Variants in ZNF845 observed in about 807,000 individuals in gnomAD.
The protein encoded by ZNF845 is zinc finger protein 845.
A neutral mutation model predicts 76.1 loss-of-function variants in ZNF845; 59 were observed. That is an observed-to-expected ratio of 0.78 (90% CI 0.63 to 0.96). ZNF845 has a LOEUF of 0.96. Ranked by LOEUF, ZNF845 falls within the 40% of genes least tolerant of loss-of-function variation. ZNF845 has a pLI of 0.00. For synonymous variants in ZNF845, 361 were observed against 386.9 expected, an observed-to-expected ratio of 0.93 and a Z score of 0.78; for missense variants, 1,045 against 1,172.8, an observed-to-expected ratio of 0.89 and a Z score of 1.59.
At chr19:53,346,959 C>T (rs2085301113) in intron 3 of ZNF845, among the ~76,000 whole-genome samples, 1 of 152,128 alleles carries the variant, frequency 6.6e-6, no homozygotes, top group South Asian at 2.1e-4. Flanking sequence ...TCTCAGGTCA[C>T]TGCAACCTCC....
At chr19:53,338,843 G>A (rs2085235944) in intron 1 of ZNF845, among the ~76,000 whole-genome samples, 1 of 151,726 alleles carries the variant, frequency 6.6e-6, no homozygotes, top group South Asian at 2.1e-4. Flanking sequence ...AGCTTTGGGA[G>A]GCTAAGGCAG....
chr19:53,353,688 A>T lies in ZNF845; in HGVS notation c.*100A>T. On this transcript the variant is annotated 3_prime_UTR_variant, in exon 4 of 4. Transcript: ENST00000458035. ...AAGCTTACAAATGTAAGAGTTTGTGACAAGAATCTTGGGCGTGATTCACAC... is the reference window on the plus strand; with the variant it reads ...AAGCTTACAAATGTAAGAGTTTGTGTCAAGAATCTTGGGCGTGATTCACAC... 1 of 1,524,478 alleles carries T rather than the reference A, an allele frequency of 6.6e-7. No homozygotes were observed. Among genetic ancestry groups the T allele is most frequent in the Non-Finnish European group, 8.8e-7 (1 of 1,140,316 alleles). 94.4% of individuals were successfully genotyped at this position (1,524,478 alleles called of 1,614,324 possible).
intron 1 of ZNF845, among the ~76,000 whole-genome samples, chr19:53,338,138 G>A (rs1319629144): frequency 6.6e-6 from 1 of 152,110 alleles, no homozygotes; most frequent in Non-Finnish European, 1.5e-5. Flanking sequence ...GCGTCTTCAG[G>A]GAAGACTCAG....
At position 53,355,376 on chromosome 19, in the gene ZNF845, C is replaced by A. The variant is rs1258022417; in HGVS notation, c.*1788C>A. The A allele has an allele frequency of 1.3e-5, 2 of 151,986 alleles. No individual in the cohort carries two copies. Among genetic ancestry groups the A allele is most frequent in the Non-Finnish European group, 2.9e-5 (2 of 68,022 alleles). 9.4% of individuals were successfully genotyped at this position (151,986 alleles called of 1,614,324 possible). A position where few individuals can be genotyped will look rare whatever the true frequency, so the allele number is the denominator to read the frequency against. ...AATTCTGTCTCAGCCTCCTGAGTAG[C>A]TGGGACTACAGGCGCATGTCACCAC... On this transcript the variant is annotated 3_prime_UTR_variant, in exon 4 of 4. Transcript: ENST00000458035.
intron 2 of ZNF845, 29 bp downstream of exon 2, chr19:53,341,351 T>G: frequency 6.2e-7 from 1 of 1,613,710 alleles, no homozygotes; most frequent in Non-Finnish European, 8.5e-7. Context: ...TGGATTGTTC[T>G]GTCTCCTTCC....
Position 53,351,504 on chromosome 19 carries a change from G to A in ZNF845, c.829G>A (p.Gly277Ser). The stretch of plus-strand genomic sequence containing the variant: ...GAAACCTTACAAGTGTAATGATTGT[G>A]GCAAGACCTTCAGTCAGGAGTTAAC... ...GKKPYKCNDC[G>S]KTFSQELTLT... Residue 277 changes from glycine to serine, a missense_variant, in exon 4 of 4, where the codon GGC (glycine) becomes AGC (serine). Transcript: ENST00000458035. The A allele has an allele frequency of 6.2e-7, 1 of 1,614,150 alleles. No individual in the cohort carries two copies. Among genetic ancestry groups the A allele is most frequent in the Non-Finnish European group, 8.5e-7 (1 of 1,180,018 alleles).
intron 1 of ZNF845, among the ~76,000 whole-genome samples, chr19:53,335,286 G>C (rs1271117327): frequency 1.3e-5 from 2 of 152,026 alleles, no homozygotes; most frequent in African/African-American, 4.8e-5. Flanking sequence ...TTTGAGACAG[G>C]GTCTGGCTCT....
In ZNF845 at chr19:53,348,926, G is replaced by A. The variant is rs529536375; in HGVS notation, c.143-1892G>A. Among the ~76,000 whole-genome samples the A allele has an allele frequency of 1.7e-3, 226 of 136,190 alleles. 1 individual carries two copies. Among genetic ancestry groups the A allele is most frequent in the African/African-American group, 6.3e-3 (221 of 35,312 alleles). The allele number at this position is 136,190 out of a possible 152,430, so 89.3% of individuals were successfully genotyped here. A position where few individuals can be genotyped will look rare whatever the true frequency, so the allele number is the denominator to read the frequency against. On this transcript the variant is annotated intron_variant, in intron 3 of 3. Coordinates refer to ENST00000458035, the MANE Select transcript of ZNF845 (RefSeq NM_138374.3). The stretch of plus-strand genomic sequence containing the variant: ...GGCTGGAGTGCAGTGATGCGATCTC[G>A]TCTCACTGCAACCTCCACCGCCTGG...
Position 53,350,987 on chromosome 19 carries a change from T to A in ZNF845, c.312T>A (p.Asp104Glu). Residue 104 changes from aspartate to glutamate, a missense_variant, in exon 4 of 4, where the codon GAT (aspartate) becomes GAA (glutamate). Transcript: ENST00000458035. Reference protein sequence around the residue: ...IHDFEFQWKEDERNSHEAPMT... With the variant: ...IHDFEFQWKEEERNSHEAPMT... Reference sequence around the variant, plus strand: ...ATTTTGAGTTTCAGTGGAAAGAAGATGAAAGAAATAGCCATGAAGCACCCA... The same window carrying A: ...ATTTTGAGTTTCAGTGGAAAGAAGAAGAAAGAAATAGCCATGAAGCACCCA... 1 of 1,614,048 alleles carries A rather than the reference T, an allele frequency of 6.2e-7. No individual in the cohort carries two copies. The highest frequency in any genetic ancestry group is 8.5e-7 in the Non-Finnish European group (1 of 1,180,012).
At chr19:53,335,463 C>G (rs2085206812) in intron 1 of ZNF845, among the ~76,000 whole-genome samples, 3 of 151,940 alleles carry the variant, frequency 2.0e-5, no homozygotes, top group African/African-American at 7.3e-5. Flanking sequence ...TGGGGTTTCA[C>G]TGTTTCCCAG....
intron 3 of ZNF845, among the ~76,000 whole-genome samples, chr19:53,350,001 C>T (rs553469090): frequency 6.6e-6 from 1 of 152,278 alleles, no homozygotes; most frequent in African/African-American, 2.4e-5. Context: ...GGCCATTGCA[C>T]TCCAGCCTGT....
At position 53,353,469 on chromosome 19, in the gene ZNF845, A is replaced by G. The variant is rs1196077186; in HGVS notation, c.2794A>G (p.Ile932Val). Residue 932 changes from isoleucine (I) to valine (V), a missense_variant, in exon 4 of 4, where the codon ATT (isoleucine) becomes GTT (valine). Transcript: ENST00000458035. ...CTTCCGTCACAATTCAGTCCTTGTA[A>G]TTCATAAGACAATTCATACTGGAGA... ...KTFRHNSVLV[I>V]HKTIHTGEKP... 2 of 1,613,666 alleles carry G rather than the reference A, an allele frequency of 1.2e-6. No homozygotes were observed. The highest frequency in any genetic ancestry group is 2.2e-5 in the South Asian group (2 of 91,038).
chr19:53,351,737 T>G lies in ZNF845; in HGVS notation c.1062T>G (p.Pro354=). 1 of 1,614,066 alleles carries G rather than the reference T, an allele frequency of 6.2e-7. No homozygotes were observed. The highest frequency in any genetic ancestry group is 8.5e-7 in the Non-Finnish European group (1 of 1,179,976). The change falls in exon 4 of 4, where the codon CCT becomes CCG. Residue 354 remains proline (P), a synonymous_variant. Transcript: ENST00000458035. ...YHRRLHTGEK[P]YKCEECDKAF... is the part of the protein sequence containing the mutation. The stretch of plus-strand genomic sequence containing the variant: ...GTAGACTTCATACTGGAGAGAAACC[T>G]TACAAATGTGAAGAATGTGACAAAG...
chr19:53,343,579 AT>A (rs2147036405), intron 2 of ZNF845, among the ~76,000 whole-genome samples: 1 of 152,250 alleles, frequency 6.6e-6, no homozygotes, highest in African/African-American at 2.4e-5. Context: ...CACTTTTTAT[AT>A]TTTTAAAACC....
At chr19:53,345,266 A>G (rs966759329) in intron 2 of ZNF845, among the ~76,000 whole-genome samples, 1 of 152,134 alleles carries the variant, frequency 6.6e-6, no homozygotes, top group African/African-American at 2.4e-5. Flanking sequence ...CTGTGAGCCG[A>G]TATCGTGCCA....
At chr19:53,339,910 TCTCA>T (rs2085244217) in intron 1 of ZNF845, among the ~76,000 whole-genome samples, 1 of 152,178 alleles carries the variant, frequency 6.6e-6, no homozygotes, top group Non-Finnish European at 1.5e-5. Context: ...TGAGGTGGAG[TCTCA>T]CTCTGTCACC....
chr19:53,352,024 T>G lies in ZNF845; in HGVS notation c.1349T>G (p.Phe450Cys). The G allele has an allele frequency of 6.2e-7, 1 of 1,612,730 alleles. No homozygotes were observed. The highest frequency in any genetic ancestry group is 8.5e-7 in the Non-Finnish European group (1 of 1,179,684). ...GAAGAATGTGATGAAGCTTTCAGTT[T>G]CAAATCGAACCTTGAAAGACATAGG... ...KCEECDEAFSFKSNLERHRRI... is the reference protein window; with the variant it reads ...KCEECDEAFSCKSNLERHRRI... The change falls in exon 4 of 4, where the codon TTC becomes TGC. Residue 450 changes from phenylalanine (F) to cysteine (C), a missense_variant. Physicochemically the swap from Phe to Cys is radical, Grantham distance 205. Coordinates refer to ENST00000458035, the MANE Select transcript of ZNF845 (RefSeq NM_138374.3).
Position 53,353,640 on chromosome 19 carries a change from C to T in ZNF845, c.*52C>T. On this transcript the variant is annotated 3_prime_UTR_variant, in exon 4 of 4. Coordinates refer to ENST00000458035, the MANE Select transcript of ZNF845 (RefSeq NM_138374.3). The stretch of plus-strand genomic sequence containing the variant: ...CAGTTGTAAATCAAGTCTTGAAAGA[C>T]AGGAGAATTCATACTGGAGAGAAAG... 1 of 1,523,936 alleles carries T rather than the reference C, an allele frequency of 6.6e-7. No individual in the cohort carries two copies. Among genetic ancestry groups the T allele is most frequent in the Non-Finnish European group, 8.8e-7 (1 of 1,137,300 alleles). 94.4% of individuals were successfully genotyped at this position (1,523,936 alleles called of 1,614,324 possible).
Position 53,351,035 on chromosome 19 carries a change from G to A in ZNF845, c.360G>A (p.Thr120=), listed in dbSNP as rs774782735. The change falls in exon 4 of 4, where the codon ACG becomes ACA. Residue 120 remains threonine, a synonymous_variant. Coordinates refer to ENST00000458035, the MANE Select transcript of ZNF845 (RefSeq NM_138374.3). ...EAPMTEIKQL[T]GSTNRHDQRH... ...CCATGACAGAAATCAAACAGTTGAC[G>A]GGTAGTACAAACCGACATGATCAAA... The A allele has an allele frequency of 2.1e-5, 34 of 1,613,982 alleles. No individual in the cohort carries two copies. Among genetic ancestry groups the A allele is most frequent in the South Asian group, 7.7e-5 (7 of 91,082 alleles).
Sources: allele counts gnomAD v4.1 joint callset (sites outside exome capture counted in the v4.1 genomes callset), GRCh38; gene constraint gnomAD v4.1.1; transcripts MANE v1.5; gene names NCBI Gene and HGNC (gene_info 2026-07-23, HGNC 2026-07-21).